PRDM1: variants seen among roughly 807,000 people sequenced by gnomAD.
PRDM1 encodes PR/SET domain 1, also known as PR domain zinc finger protein 1.
PRDM1 carries 13 observed loss-of-function variants against 62.8 expected under a neutral mutation model. The ratio of observed to expected loss-of-function variants is 0.21; its 90% CI spans 0.13 to 0.33. PRDM1 has a LOEUF of 0.33. PRDM1 is among the 10% of genes least tolerant of loss of function. The pLI is 1.00. For missense variants in PRDM1, 895 were observed against 1,058.8 expected (o/e 0.85, Z 2.15); for synonymous variants, 396 against 417.6 (o/e 0.95, Z 0.63).
rs948777837 is a variant in PRDM1 at position 106,106,842 on chromosome 6, C to G, written c.1903-69C>G. 4.7e-6 allele frequency: 7 copies of G among 1,482,290 alleles called. No individual in the cohort carries two copies. In the Admixed American group the frequency reaches 5.8e-5, roughly 12 times the overall value. 91.8% of individuals were successfully genotyped at this position (1,482,290 alleles called of 1,614,324 possible). A position where few individuals can be genotyped will look rare whatever the true frequency, so the allele number is the denominator to read the frequency against. On this transcript the variant is annotated intron_variant, in intron 6 of 6. Transcript: ENST00000369096. The surrounding 1 kb of genome is among the most constrained non-coding windows in gnomAD (Gnocchi z 4.4). ...CGTTGGCCGGTAAGCCTGCCCCTCCCGTTGGCAACTCTTAATCTTCTGGCC... is the reference window on the plus strand; with the variant it reads ...CGTTGGCCGGTAAGCCTGCCCCTCCGGTTGGCAACTCTTAATCTTCTGGCC...
At chr6:106,020,675 A>G (rs77676351) in intron 1 of PRDM1, among the ~76,000 whole-genome samples, 9 of 152,036 alleles carry the variant, frequency 5.9e-5, no homozygotes, top group Non-Finnish European at 2.9e-5. Context: ...TTTTTCCCCT[A>G]TACTTCATGG....
chr6:106,097,637 G>A (rs1022493962), intron 3 of PRDM1, among the ~76,000 whole-genome samples: 1 of 152,162 alleles, frequency 6.6e-6, no homozygotes, highest in South Asian at 2.1e-4. Flanking sequence ...GGTAGGAAAC[G>A]GTGTTCATTT....
At chr6:106,057,075 G>C (rs1429619769) in intron 1 of PRDM1, among the ~76,000 whole-genome samples, 1 of 152,208 alleles carries the variant, frequency 6.6e-6, no homozygotes, top group Non-Finnish European at 1.5e-5. Flanking sequence ...CTTAGAACTA[G>C]ACAAGGAAAT....
At chr6:106,031,755 G>C (rs978385406) in intron 1 of PRDM1, among the ~76,000 whole-genome samples, 3 of 152,106 alleles carry the variant, frequency 2.0e-5, no homozygotes, top group African/African-American at 7.2e-5. Context: ...GAGGTGCCAG[G>C]GCAACAACCA....
At chr6:106,095,890 T>C in intron 3 of PRDM1, 156 bp downstream of exon 3, 1 of 786,454 alleles carries the variant, frequency 1.3e-6, no homozygotes, top group Non-Finnish European at 2.0e-6. Flanking sequence ...TCTGAACAAA[T>C]GTGATGAAAC....
upstream of PRDM1, among the ~76,000 whole-genome samples, chr6:106,081,954 C>T (rs1773701743): frequency 6.6e-6 from 1 of 152,172 alleles, no homozygotes; most frequent in African/African-American, 2.4e-5. Flanking sequence ...TAATCTTATT[C>T]TTGGCGACCT....
Position 105,995,263 on chromosome 6 carries a change from T to C in PRDM1, c.-67+1624T>C, listed in dbSNP as rs570559213. On this transcript the variant is annotated intron_variant, in intron 1 of 6. Transcript: ENST00000652320. ...TTTGGGATCAATGATCTTTCATAAC[T>C]AGGCTGGGCATGTTCGTGCAGCCCT... is the stretch of plus-strand genomic sequence containing the variant. 9.8e-5 allele frequency among the ~76,000 whole-genome samples: 15 copies of C among 152,338 alleles called. 1 individual carries two copies. In the South Asian group the frequency reaches 3.1e-3, roughly 32 times the overall value.
chr6:106,005,307 G>T (rs1045842459), intron 1 of PRDM1, among the ~76,000 whole-genome samples: 1 of 152,202 alleles, frequency 6.6e-6, no homozygotes, highest in East Asian at 1.9e-4. Flanking sequence ...CTCTCCCAGG[G>T]TTTGTCTCTA....
At chr6:106,088,863 GT>G (rs1199640831) in intron 2 of PRDM1, among the ~76,000 whole-genome samples, 5 of 152,188 alleles carry the variant, frequency 3.3e-5, no homozygotes, top group Non-Finnish European at 7.3e-5. Context: ...TTGGTAATTA[GT>G]TGGCTTTACT....
intron 1 of PRDM1, among the ~76,000 whole-genome samples, chr6:106,031,805 A>T (rs940565682): frequency 6.6e-6 from 1 of 152,246 alleles, no homozygotes; most frequent in Non-Finnish European, 1.5e-5. Flanking sequence ...AAGGGGCCTT[A>T]AAGAGAAGTA....
In PRDM1 at chr6:106,107,903, G is replaced by A. The variant is rs1774550270; in HGVS notation, c.*417G>A. Reference sequence around the variant, plus strand: ...AGCAATAATTAAAAAAGTTTACAATGACTGGAAAGATTCCTTGTAATTTGA... The same window carrying A: ...AGCAATAATTAAAAAAGTTTACAATAACTGGAAAGATTCCTTGTAATTTGA... On this transcript the variant is annotated 3_prime_UTR_variant, in exon 7 of 7. Transcript: ENST00000369096. The A allele has an allele frequency of 4.3e-6, 1 of 231,988 alleles. No individual in the cohort carries two copies. The highest frequency in any genetic ancestry group is 8.5e-6 in the Non-Finnish European group (1 of 117,250). The allele number at this position is 231,988 out of a possible 1,614,324, so 14.4% of individuals were successfully genotyped here.
At chr6:106,075,018 C>T (rs1478714516) in intron 1 of PRDM1, among the ~76,000 whole-genome samples, 1 of 152,172 alleles carries the variant, frequency 6.6e-6, no homozygotes, top group Non-Finnish European at 1.5e-5. Flanking sequence ...TAAAGAAGCT[C>T]TAACTTAACT....
At chr6:106,020,545 A>G (rs1049087582) in intron 1 of PRDM1, among the ~76,000 whole-genome samples, 1 of 152,222 alleles carries the variant, frequency 6.6e-6, no homozygotes, top group Admixed American at 6.5e-5. Context: ...CAGATGAAGA[A>G]GCTGAGATTT....
upstream of PRDM1, among the ~76,000 whole-genome samples, chr6:106,081,681 G>A (rs888163952): frequency 5.9e-5 from 9 of 152,198 alleles, no homozygotes; most frequent in Non-Finnish European, 1.3e-4. Flanking sequence ...ACCTTGGCGT[G>A]AAGAAAGTCA....
chr6:106,023,079 TC>T (rs1189756555), intron 1 of PRDM1, among the ~76,000 whole-genome samples: 2 of 152,304 alleles, frequency 1.3e-5, no homozygotes, highest in South Asian at 2.1e-4. Context: ...ATTTCCTTCA[TC>T]TTTTCCAGTG....
Position 106,099,436 on chromosome 6 carries a change from A to G in PRDM1, c.548A>G (p.Tyr183Cys). 1 of 1,614,226 alleles carries G rather than the reference A, an allele frequency of 6.2e-7. No homozygotes were observed. Among genetic ancestry groups the G allele is most frequent in the Non-Finnish European group, 8.5e-7 (1 of 1,180,040 alleles). Residue 183 changes from tyrosine to cysteine, a missense_variant, in exon 4 of 7, where the codon TAC becomes TGC. Tyr to Cys is a radical substitution (Grantham distance 194). Coordinates refer to ENST00000369096, the MANE Select transcript of PRDM1 (RefSeq NM_001198.4). ...LAACQNGMNI[Y>C]FYTIKPIPAN... is the part of the protein sequence containing the mutation. ...GCGTGTCAGAACGGGATGAACATCTACTTCTACACCATTAAGCCCATCCCT... is the reference window on the plus strand; with the variant it reads ...GCGTGTCAGAACGGGATGAACATCTGCTTCTACACCATTAAGCCCATCCCT...
chr6:106,083,371 T>C (rs927978379), upstream of PRDM1, among the ~76,000 whole-genome samples: 1 of 152,162 alleles, frequency 6.6e-6, no homozygotes, highest in Non-Finnish European at 1.5e-5. Flanking sequence ...CATCCCTTTT[T>C]TTTACCTTAG....
chr6:106,083,218 G>A (rs1371727175), upstream of PRDM1, among the ~76,000 whole-genome samples: 6 of 84,198 alleles, frequency 7.1e-5, no homozygotes, highest in African/African-American at 2.3e-4. Context: ...GGTGTGGGGG[G>A]TGAGGGTGGG....
At position 106,107,507 on chromosome 6, in the gene PRDM1, T is replaced by G; in HGVS notation, c.*21T>G. 1 of 1,570,802 alleles carries G rather than the reference T, an allele frequency of 6.4e-7. No individual in the cohort carries two copies. Among genetic ancestry groups the G allele is most frequent in the East Asian group, 2.2e-5 (1 of 44,492 alleles). On this transcript the variant is annotated 3_prime_UTR_variant, in exon 7 of 7. Transcript: ENST00000369096. The stretch of plus-strand genomic sequence containing the variant: ...CTTAAGATTTTCAGAAAACACTTAT[T>G]TTGTTTCTTAAGTTATGACTTGGTG...
Sources: gnomAD v4.1 joint callset for allele counts (sites outside exome capture counted in the v4.1 genomes callset) on GRCh38, gnomAD v4.1.1 for gene constraint, Gnocchi (gnomAD v3.1) non-coding constraint, MANE v1.5 for transcripts, NCBI Gene and HGNC (gene_info 2026-07-23, HGNC 2026-07-21) for gene names.